Variants in DLG2 observed in about 807,000 individuals in gnomAD.
DLG2 encodes discs large MAGUK scaffold protein 2.
A neutral mutation model predicts 132.5 loss-of-function variants in DLG2; 45 were observed. The ratio of observed to expected loss-of-function variants is 0.34; its 90% CI spans 0.27 to 0.44. DLG2 has a LOEUF of 0.44. Ranked by LOEUF, DLG2 falls within the 20% of genes least tolerant of loss-of-function variation. The pLI is 1.00. For missense variants in DLG2, 1,045 were observed against 1,196.9 expected (o/e 0.87, Z 1.87); for synonymous variants, 424 against 419.6 (o/e 1.01, Z -0.13).
At chr11:84,723,728 A>G (rs1427435549) in intron 6 of DLG2, among the ~76,000 whole-genome samples, 1 of 152,172 alleles carries the variant, frequency 6.6e-6, no homozygotes, top group Non-Finnish European at 1.5e-5. Context: ...TATTACTAGG[A>G]AATGCAAGGA....
chr11:84,836,514 T>A (rs1368253332), intron 6 of DLG2, among the ~76,000 whole-genome samples: 1 of 151,922 alleles, frequency 6.6e-6, no homozygotes, highest in South Asian at 2.1e-4. Flanking sequence ...AAAGCCCTTG[T>A]CTTTTTATTG....
In DLG2 at chr11:83,541,666, C is replaced by T. The variant is rs1565713220; in HGVS notation, c.2117+16G>A. 1 of 1,585,764 alleles carries T rather than the reference C, an allele frequency of 6.3e-7. No homozygotes were observed. The highest frequency in any genetic ancestry group is 1.7e-5 in the Admixed American group (1 of 57,456). ...TAGCTGACAAGCAAATATTCTAGTA[C>T]AAAAGGCATTCTTACCTCCTTTTGC... On this transcript the variant is annotated intron_variant, in intron 20 of 27. Transcript: ENST00000376104.
At chr11:84,495,683 A>G (rs1402249072) in intron 7 of DLG2, among the ~76,000 whole-genome samples, 1 of 152,138 alleles carries the variant, frequency 6.6e-6, no homozygotes, top group African/African-American at 2.4e-5. Flanking sequence ...TTCCATAATA[A>G]CTTATGCTTA....
intron 3 of DLG2, among the ~76,000 whole-genome samples, chr11:85,378,452 A>T (rs2085609264): frequency 6.6e-6 from 1 of 152,180 alleles, no homozygotes; most frequent in Non-Finnish European, 1.5e-5. Flanking sequence ...ATGTAAAATG[A>T]AAATGATTAT....
intron 7 of DLG2, among the ~76,000 whole-genome samples, chr11:84,291,247 T>C (rs1381643501): frequency 6.6e-6 from 1 of 151,830 alleles, no homozygotes; most frequent in African/African-American, 2.4e-5. Flanking sequence ...AAGAAATAAA[T>C]CCAATCAGGT....
At chr11:85,465,437 T>C (rs1565531183) in intron 3 of DLG2, among the ~76,000 whole-genome samples, 2 of 151,980 alleles carry the variant, frequency 1.3e-5, no homozygotes, top group African/African-American at 4.8e-5. Flanking sequence ...GTATATCTCC[T>C]AATGCTATCC....
intron 6 of DLG2, among the ~76,000 whole-genome samples, chr11:84,763,963 C>T (rs1297953270): frequency 6.6e-6 from 1 of 152,048 alleles, no homozygotes; most frequent in Non-Finnish European, 1.5e-5. Context: ...CCATAATATT[C>T]TACCATAGAT....
intron 21 of DLG2, among the ~76,000 whole-genome samples, chr11:83,527,845 T>G (rs1271632170): frequency 6.6e-6 from 1 of 152,160 alleles, no homozygotes; most frequent in East Asian, 1.9e-4. Context: ...AATCACTAAA[T>G]AGTCATTGAT....
Position 84,650,652 on chromosome 11 carries a change from T to C in DLG2, c.358-115921A>G, listed in dbSNP as rs565772170. On this transcript the variant is annotated intron_variant, in intron 6 of 27. Transcript: ENST00000376104. ...TCTTGACTTTGAAGTCAGAGAGCTA[T>C]GCTCCTTCTTGCTTAACCTCTCATT... 5.8e-4 allele frequency among the ~76,000 whole-genome samples: 88 copies of C among 152,166 alleles called. 1 individual carries two copies. The highest frequency in any genetic ancestry group is 1.6e-3 in the African/African-American group (66 of 41,532).
intron 6 of DLG2, among the ~76,000 whole-genome samples, chr11:84,782,253 C>T (rs1362441915): frequency 6.6e-6 from 1 of 152,056 alleles, no homozygotes; most frequent in Non-Finnish European, 1.5e-5. Context: ...AGAAATATAA[C>T]TTGATTAAAT....
intron 3 of DLG2, among the ~76,000 whole-genome samples, chr11:85,570,298 G>C (rs933763638): frequency 6.6e-6 from 1 of 152,088 alleles, no homozygotes; most frequent in Admixed American, 6.5e-5. Context: ...GACTTATTTT[G>C]TGGTATAATC....
intron 7 of DLG2, among the ~76,000 whole-genome samples, chr11:84,356,064 A>C (rs545553773): frequency 6.6e-6 from 1 of 152,156 alleles, no homozygotes; most frequent in African/African-American, 2.4e-5. Context: ...CAGAAAGAGA[A>C]GTTTCACAAC....
intron 6 of DLG2, among the ~76,000 whole-genome samples, chr11:84,600,254 A>AGCAAGCAG (rs1565421073): frequency 7.0e-6 from 1 of 141,998 alleles, no homozygotes; most frequent in Non-Finnish European, 1.5e-5. Context: ...CAAGCAAGCA[A>AGCAAGCAG]GCAGGCAGGC....
intron 18 of DLG2, among the ~76,000 whole-genome samples, chr11:83,775,023 A>C (rs1355009746): frequency 6.6e-6 from 1 of 152,016 alleles, no homozygotes; most frequent in East Asian, 1.9e-4. Flanking sequence ...AAAGAACAAC[A>C]ACAATTTTAA....
chr11:83,681,359 C>T (rs907723997), intron 18 of DLG2, among the ~76,000 whole-genome samples: 3 of 152,088 alleles, frequency 2.0e-5, no homozygotes, highest in Admixed American at 2.0e-4. Flanking sequence ...AGCAAATACC[C>T]GGAGCCCACC....
At chr11:84,296,885 A>G (rs545439191) in intron 7 of DLG2, among the ~76,000 whole-genome samples, 1 of 152,300 alleles carries the variant, frequency 6.6e-6, no homozygotes, top group South Asian at 2.1e-4. Flanking sequence ...TGGGATATAC[A>G]TCATCCACTG....
intron 6 of DLG2, among the ~76,000 whole-genome samples, chr11:84,573,720 G>A (rs756523086): frequency 1.3e-5 from 2 of 152,154 alleles, no homozygotes; most frequent in Non-Finnish European, 2.9e-5. Context: ...TATTAAATCA[G>A]AGGAAAACCA....
chr11:84,469,743 C>T (rs10751113), intron 7 of DLG2, among the ~76,000 whole-genome samples: 56,402 of 151,364 alleles, frequency 0.37, 13,729 homozygotes, highest in African/African-American at 0.7. Flanking sequence ...TATTTGCAGC[C>T]TTATTAAATA....
At chr11:83,842,878 C>T (rs144524849) in intron 16 of DLG2, among the ~76,000 whole-genome samples, 8 of 151,524 alleles carry the variant, frequency 5.3e-5, no homozygotes, top group African/African-American at 1.5e-4. Flanking sequence ...CATGGCCATT[C>T]GTGGGCTATT....
Sources: gnomAD v4.1 joint callset for allele counts (sites outside exome capture counted in the v4.1 genomes callset) on GRCh38, gnomAD v4.1.1 for gene constraint, MANE v1.5 for transcripts, NCBI Gene and HGNC (gene_info 2026-07-23, HGNC 2026-07-21) for gene names.